CTNNBL1: variants seen among roughly 807,000 people sequenced by gnomAD.
CTNNBL1 encodes the protein catenin beta like 1.
CTNNBL1 carries 31 observed loss-of-function variants against 72.7 expected under a neutral mutation model. The observed-to-expected ratio is 0.43, with a 90% confidence interval of 0.32 to 0.58. CTNNBL1 has a LOEUF of 0.58. CTNNBL1 is among the 20% of genes least tolerant of loss of function. CTNNBL1 has a pLI of 0.08. For missense variants in CTNNBL1, 534 were observed against 725.1 expected (o/e 0.74, Z 3.03); for synonymous variants, 240 against 267.3 (o/e 0.90, Z 1.00).
intron 13 of CTNNBL1, among the ~76,000 whole-genome samples, chr20:37,856,627 G>A (rs1310048974): frequency 6.6e-6 from 1 of 150,502 alleles, no homozygotes; most frequent in Admixed American, 6.6e-5. Flanking sequence ...CTCACACAAC[G>A]CGAAGACCAT....
chr20:37,779,423 T>G (rs1415756119), intron 10 of CTNNBL1, 88 bp downstream of exon 10: 3 of 1,472,132 alleles, frequency 2.0e-6, no homozygotes, highest in Non-Finnish European at 1.9e-6. Context: ...CTATGATCAT[T>G]TATTCTGTTG....
chr20:37,699,291 A>T (rs915440731), intron 1 of CTNNBL1, among the ~76,000 whole-genome samples: 1 of 152,214 alleles, frequency 6.6e-6, no homozygotes, highest in Non-Finnish European at 1.5e-5. Flanking sequence ...TCATAGTTGG[A>T]GCTCCTAACC....
rs201232042 is a variant in CTNNBL1 at position 37,768,177 on chromosome 20, C to CT, written c.750+136dup. The CT allele has an allele frequency of 5.9e-4, 382 of 644,578 alleles. 2 individuals carry two copies. In the African/African-American group the frequency reaches 5.9e-3, roughly 10 times the overall value. 39.9% of individuals were successfully genotyped at this position (644,578 alleles called of 1,614,324 possible). A position where few individuals can be genotyped will look rare whatever the true frequency, so the allele number is the denominator to read the frequency against. On this transcript the variant is annotated intron_variant, in intron 7 of 15. Coordinates refer to ENST00000361383, the MANE Select transcript of CTNNBL1 (RefSeq NM_030877.5). Reference sequence around the variant, plus strand: ...GGGAAGCTTCTGGTACCTCTTGCTTCTTTCTTCTCCGTTTTTGTTCGTTTT... The same window carrying CT: ...GGGAAGCTTCTGGTACCTCTTGCTTCTTTTCTTCTCCGTTTTTGTTCGTTTT...
chr20:37,694,555 C>A (rs1448149373), intron 1 of CTNNBL1, among the ~76,000 whole-genome samples: 4 of 152,176 alleles, frequency 2.6e-5, no homozygotes, highest in Non-Finnish European at 5.9e-5. Flanking sequence ...GGCTATGTGG[C>A]TTTTGGACAA....
chr20:37,757,472 A>G (rs2073375102), intron 4 of CTNNBL1, 87 bp from the exon 5 acceptor site: 2 of 854,766 alleles, frequency 2.3e-6, no homozygotes, highest in Non-Finnish European at 3.8e-6. Context: ...TGATAAAGCA[A>G]TTGATGAGGA....
At chr20:37,808,622 G>A (rs576096879) in intron 11 of CTNNBL1, among the ~76,000 whole-genome samples, 2 of 152,196 alleles carry the variant, frequency 1.3e-5, no homozygotes, top group South Asian at 2.1e-4. Context: ...TCAGGCATTC[G>A]TTTTTGAATA....
At chr20:37,848,396 A>G (rs529585294) in intron 13 of CTNNBL1, among the ~76,000 whole-genome samples, 41 of 151,954 alleles carry the variant, frequency 2.7e-4, no homozygotes, top group Middle Eastern at 3.4e-3. Context: ...GCTCAAGCAA[A>G]CCTCATGCCT....
intron 1 of CTNNBL1, among the ~76,000 whole-genome samples, chr20:37,698,951 A>C (rs1348038971): frequency 6.6e-6 from 1 of 152,066 alleles, no homozygotes; most frequent in Non-Finnish European, 1.5e-5. Flanking sequence ...GAGGCTGAGG[A>C]GGGAGGATTA....
intron 9 of CTNNBL1, among the ~76,000 whole-genome samples, chr20:37,778,409 G>T (rs1469467173): frequency 6.6e-6 from 1 of 152,158 alleles, no homozygotes; most frequent in Non-Finnish European, 1.5e-5. Context: ...GGTGCCAGCA[G>T]CCTGAGTGTC....
intron 13 of CTNNBL1, among the ~76,000 whole-genome samples, chr20:37,850,196 G>GGGT (rs397779800): frequency 3.4e-3 from 23 of 6,734 alleles, no homozygotes; most frequent in Middle Eastern, 0.083. Context: ...TGAGCAGTCT[G>GGGT]TTTTTTTTTT....
chr20:37,855,190 G>A (rs1414900401), intron 13 of CTNNBL1, among the ~76,000 whole-genome samples: 3 of 149,876 alleles, frequency 2.0e-5, no homozygotes, highest in African/African-American at 7.4e-5. Context: ...TTCTCTCTGA[G>A]TTGACTTTTC....
chr20:37,795,673 T>G (rs2085392119), intron 10 of CTNNBL1, among the ~76,000 whole-genome samples: 1 of 152,204 alleles, frequency 6.6e-6, no homozygotes, highest in African/African-American at 2.4e-5. Context: ...TGGTCTTTTC[T>G]TCTATGTTTT....
At chr20:37,734,728 C>G (rs945271288) in intron 2 of CTNNBL1, among the ~76,000 whole-genome samples, 1 of 152,220 alleles carries the variant, frequency 6.6e-6, no homozygotes, top group Non-Finnish European at 1.5e-5. Context: ...ATATTATTGT[C>G]CTTTTTGTGC....
chr20:37,774,059 CA>C (rs1190107655), intron 7 of CTNNBL1, among the ~76,000 whole-genome samples: 1 of 151,704 alleles, frequency 6.6e-6, no homozygotes, highest in Non-Finnish European at 1.5e-5. Context: ...ACTTCAGGTG[CA>C]CACCACCACA....
intron 10 of CTNNBL1, among the ~76,000 whole-genome samples, chr20:37,797,354 C>CTTTT (rs76016183): frequency 9.6e-6 from 1 of 103,944 alleles, no homozygotes; most frequent in African/African-American, 3.4e-5. Flanking sequence ...CACCTTGTTG[C>CTTTT]TTTTTTTTTT....
chr20:37,787,982 C>T (rs1321073701), intron 10 of CTNNBL1, among the ~76,000 whole-genome samples: 1 of 152,196 alleles, frequency 6.6e-6, no homozygotes, highest in East Asian at 1.9e-4. Flanking sequence ...TTCCTTTCTG[C>T]ACATTTACAT....
chr20:37,801,535 C>T (rs1043811880), intron 10 of CTNNBL1, among the ~76,000 whole-genome samples: 1 of 152,236 alleles, frequency 6.6e-6, no homozygotes, highest in Non-Finnish European at 1.5e-5. Flanking sequence ...GGGAAAAACA[C>T]CTTTATTTTT....
At chr20:37,804,959 A>T (rs1322039704) in intron 11 of CTNNBL1, among the ~76,000 whole-genome samples, 2 of 152,158 alleles carry the variant, frequency 1.3e-5, no homozygotes, top group Non-Finnish European at 2.9e-5. Context: ...GCTGGGGAGG[A>T]TGAGCTCTGC....
intron 10 of CTNNBL1, among the ~76,000 whole-genome samples, chr20:37,788,865 C>A (rs1323707032): frequency 6.6e-6 from 1 of 152,172 alleles, no homozygotes; most frequent in East Asian, 1.9e-4. Context: ...ACCTCACAGC[C>A]CTCTCTCCTC....
Sources: gnomAD v4.1 joint callset for allele counts (sites outside exome capture counted in the v4.1 genomes callset) on GRCh38, gnomAD v4.1.1 for gene constraint, MANE v1.5 for transcripts, NCBI Gene and HGNC (gene_info 2026-07-23, HGNC 2026-07-21) for gene names.